Variants in ZNF785 observed in about 807,000 individuals in gnomAD.
ZNF785 encodes zinc finger protein 785.
In ZNF785, 15 loss-of-function variants were observed where a neutral mutation model predicts 11.3. The ratio of observed to expected loss-of-function variants is 1.32; its 90% CI spans 0.89 to 2.04. The LOEUF is 2.04. Ranked by LOEUF, ZNF785 falls within the 30% of genes most tolerant of loss-of-function variation. The probability of loss-of-function intolerance (pLI) is 0.00; values close to 1 mark genes in which losing one functional copy is unlikely to be tolerated. For synonymous variants in ZNF785, 221 were observed against 231.0 expected, an observed-to-expected ratio of 0.96 and a Z score of 0.39; for missense variants, 572 against 560.9, an observed-to-expected ratio of 1.02 and a Z score of -0.20.
chr16:30,582,460 T>G lies in ZNF785; in HGVS notation c.*100A>C. 1 of 1,510,616 alleles carries G rather than the reference T, an allele frequency of 6.6e-7. No individual in the cohort carries two copies. The highest frequency in any genetic ancestry group is 8.9e-7 in the Non-Finnish European group (1 of 1,119,486). The allele number at this position is 1,510,616 out of a possible 1,614,324, so 93.6% of individuals were successfully genotyped here. A position where few individuals can be genotyped will look rare whatever the true frequency, so the allele number is the denominator to read the frequency against. ...TCTGCTTTTTACCTAAGGCAGAACTTTGTTTTCCTCAAACGCCCACTTCCT... is the reference window on the plus strand; with the variant it reads ...TCTGCTTTTTACCTAAGGCAGAACTGTGTTTTCCTCAAACGCCCACTTCCT... On this transcript the variant is annotated 3_prime_UTR_variant, in exon 3 of 3. Transcript: ENST00000395216.
rs529905658 is a variant in ZNF785 at position 30,582,411 on chromosome 16, C to T, written c.*149G>A. ...CACCTTTTCAGATTCCTGCCTCCTCCCCACAGCCCTCTGTGCCCCTACCTC... is the reference window on the plus strand; with the variant it reads ...CACCTTTTCAGATTCCTGCCTCCTCTCCACAGCCCTCTGTGCCCCTACCTC... On this transcript the variant is annotated 3_prime_UTR_variant, in exon 3 of 3. Transcript: ENST00000395216. 34 of 1,167,974 alleles carry T rather than the reference C, an allele frequency of 2.9e-5. No individual in the cohort carries two copies. The South Asian group carries it at 5.0e-4, about 17-fold the overall frequency. The allele number at this position is 1,167,974 out of a possible 1,614,324, so 72.4% of individuals were successfully genotyped here.
Position 30,582,784 on chromosome 16 carries a change from G to A in ZNF785, c.994C>T (p.Arg332Cys), listed in dbSNP as rs768972303. The A allele has an allele frequency of 4.4e-5, 70 of 1,606,950 alleles. No homozygotes were observed. The highest frequency in any genetic ancestry group is 4.9e-5 in the Non-Finnish European group (58 of 1,175,482). ...TYSSLLLSHR[R>C]IHSDSRPFPC... ...AAGGGCCGGCTGTCGGAGTGAATGCGCCGGTGACTGAGGAGGAGGGAAGAA... is the reference window on the plus strand; with the variant it reads ...AAGGGCCGGCTGTCGGAGTGAATGCACCGGTGACTGAGGAGGAGGGAAGAA... The change falls in exon 3 of 3, where the codon CGC becomes TGC. Residue 332 changes from arginine (R) to cysteine (C), a missense_variant. Transcript: ENST00000395216.
chr16:30,582,682 T>A lies in ZNF785; in HGVS notation c.1096A>T (p.Ser366Cys), dbSNP rs2051828524. The stretch of plus-strand genomic sequence containing the variant: ...GCCTGCTGCCACGCGCGCCTCTCGC[T>A]GCAGGAGCGGTGGATCCACCGATGG... ...EAHRWIHRSC[S>C]ERRAWQQAVV... is the part of the protein sequence containing the mutation. Residue 366 changes from serine to cysteine, a missense_variant, in exon 3 of 3, where the codon AGC (serine) becomes TGC (cysteine). Physicochemically the swap from Ser to Cys is moderately radical, Grantham distance 112. Transcript: ENST00000395216. 103 of 1,613,968 alleles carry A rather than the reference T, an allele frequency of 6.4e-5. No individual in the cohort carries two copies. The highest frequency in any genetic ancestry group is 8.6e-5 in the Non-Finnish European group (102 of 1,180,010).
chr16:30,582,819 C>T lies in ZNF785; in HGVS notation c.959G>A (p.Arg320His), dbSNP rs2151236858. The T allele has an allele frequency of 1.2e-6, 2 of 1,607,040 alleles. No homozygotes were observed. The highest frequency in any genetic ancestry group is 1.7e-4 in the Middle Eastern group (1 of 6,024). ...KPYPCPDCGR[R>H]FTYSSLLLSH... ...GAGGAGGAGGGAAGAATAGGTGAAG[C>T]GGCGGCCGCAGTCAGGACAGGGGTA... Residue 320 changes from arginine (R) to histidine (H), a missense_variant, in exon 3 of 3, where the codon CGC (arginine) becomes CAC (histidine). Coordinates refer to ENST00000395216, the MANE Select transcript of ZNF785 (RefSeq NM_152458.7).
At chr16:30,580,482 G>A (rs2051794185), downstream of ZNF785, among the ~76,000 whole-genome samples, 1 of 151,536 alleles carries the variant, frequency 6.6e-6, no homozygotes, top group Non-Finnish European at 1.5e-5. Flanking sequence ...AGCCTCCCAA[G>A]TAGCTGGGAC....
intron 2 of ZNF785, 129 bp from the exon 3 acceptor site, chr16:30,583,572 T>C (rs2051851148): frequency 7.7e-7 from 1 of 1,302,514 alleles, no homozygotes; most frequent in South Asian, 1.5e-5. Context: ...TGGTTCAGAA[T>C]ATGGCGCCCA....
At chr16:30,584,985 G>A (rs2051869419) in intron 2 of ZNF785, 137 bp downstream of exon 2, 1 of 1,201,786 alleles carries the variant, frequency 8.3e-7, no homozygotes, top group Non-Finnish European at 1.1e-6. Context: ...CCATTTTGCA[G>A]TGAGATGAGG....
In ZNF785 at chr16:30,585,556, C is replaced by T. The variant is rs547219719; in HGVS notation, c.56G>A (p.Arg19Gln). The T allele has an allele frequency of 1.3e-5, 20 of 1,559,184 alleles. No homozygotes were observed. In the East Asian group the frequency reaches 3.1e-4, roughly 24 times the overall value. The change falls in exon 1 of 3, where the codon CGG becomes CAG. Residue 19 changes from arginine to glutamine, a missense_variant. Physicochemically the swap from Arg to Gln is conservative, Grantham distance 43. Transcript: ENST00000395216. This position sits in a 1 kb window ranked among gnomAD's most constrained non-coding sequence, Gnocchi z 4.0. ...PAHVPGEAGPRRTRESRPGAV... is the reference protein window; with the variant it reads ...PAHVPGEAGPQRTRESRPGAV... The stretch of plus-strand genomic sequence containing the variant: ...GCCCGGCCTGCTTTCCCTCGTCCTC[C>T]GGGGCCCGGCCTCCCCGGGTACGTG...
chr16:30,581,675 G>C lies in ZNF785; in HGVS notation c.*885C>G, dbSNP rs1371423924. The C allele has an allele frequency of 6.6e-6, 1 of 152,164 alleles. No homozygotes were observed. The highest frequency in any genetic ancestry group is 2.4e-5 in the African/African-American group (1 of 41,422). The allele number at this position is 152,164 out of a possible 1,614,324, so 9.4% of individuals were successfully genotyped here. On this transcript the variant is annotated 3_prime_UTR_variant, in exon 3 of 3. Coordinates refer to ENST00000395216, the MANE Select transcript of ZNF785 (RefSeq NM_152458.7). Reference sequence around the variant, plus strand: ...TGTGCACTTGCAGAATGAGAGTGGGGGGGGAGTTCCCCACCTGAGGCCACT... The same window carrying C: ...TGTGCACTTGCAGAATGAGAGTGGGCGGGGAGTTCCCCACCTGAGGCCACT...
At position 30,585,689 on chromosome 16, in the gene ZNF785, C is replaced by G; in HGVS notation, c.-78G>C. On this transcript the variant is annotated 5_prime_UTR_variant, in exon 1 of 3. Coordinates refer to ENST00000395216, the MANE Select transcript of ZNF785 (RefSeq NM_152458.7). The surrounding 1 kb of genome is among the most constrained non-coding windows in gnomAD (Gnocchi z 4.0). ...TGGCGCTTTCCTGTCTTTCCTCAGA[C>G]AAGTCCGTAAGGGACTCCTGCCCTT... 6.9e-7 allele frequency: 1 copy of G among 1,442,010 alleles called. No individual in the cohort carries two copies. The highest frequency in any genetic ancestry group is 9.0e-7 in the Non-Finnish European group (1 of 1,105,086). 89.3% of individuals were successfully genotyped at this position (1,442,010 alleles called of 1,614,324 possible).
chr16:30,584,790 G>A (rs867335591), intron 2 of ZNF785, among the ~76,000 whole-genome samples: 2 of 152,188 alleles, frequency 1.3e-5, no homozygotes, highest in African/African-American at 2.4e-5. Context: ...TTTACTACAC[G>A]TGGTTCACAT....
Position 30,585,355 on chromosome 16 carries a change from C to T in ZNF785, c.205+52G>A. Reference sequence around the variant, plus strand: ...CCCACTAGCCTCTGGGGACACCGATCACCGCTTCCCACCGACGGACTGGGG... The same window carrying T: ...CCCACTAGCCTCTGGGGACACCGATTACCGCTTCCCACCGACGGACTGGGG... On this transcript the variant is annotated intron_variant, in intron 1 of 2. Coordinates refer to ENST00000395216, the MANE Select transcript of ZNF785 (RefSeq NM_152458.7). This position sits in a 1 kb window ranked among gnomAD's most constrained non-coding sequence, Gnocchi z 4.0. 6.4e-7 allele frequency: 1 copy of T among 1,569,732 alleles called. No homozygotes were observed. The highest frequency in any genetic ancestry group is 1.2e-5 in the South Asian group (1 of 86,582).
rs1168785649 is a variant in ZNF785, at chr16:30,585,589, C to T, written c.23G>A (p.Arg8His). 2.0e-6 allele frequency: 3 copies of T among 1,516,334 alleles called. No individual in the cohort carries two copies. The East Asian group carries it at 7.3e-5, about 37-fold the overall frequency. 93.9% of individuals were successfully genotyped at this position (1,516,334 alleles called of 1,614,324 possible). Residue 8 changes from arginine to histidine, a missense_variant, in exon 1 of 3, where the codon CGC becomes CAC. Transcript: ENST00000395216. The surrounding 1 kb of genome is among the most constrained non-coding windows in gnomAD (Gnocchi z 4.0). Reference protein sequence around the residue: MGPPLAPRPAHVPGEAGP... With the variant: MGPPLAPHPAHVPGEAGP... ...GGCCTCCCCGGGTACGTGGGCCGGG[C>T]GCGGCGCCAGGGGCGGCCCCATGGG... is the stretch of plus-strand genomic sequence containing the variant.
chr16:30,582,190 C>T lies in ZNF785; in HGVS notation c.*370G>A. Reference sequence around the variant, plus strand: ...GGGGGGTCCAGAGTGGGTGCAGGCTCCTTTAATAGGCACTGGAATGTAGGG... The same window carrying T: ...GGGGGGTCCAGAGTGGGTGCAGGCTTCTTTAATAGGCACTGGAATGTAGGG... On this transcript the variant is annotated 3_prime_UTR_variant, in exon 3 of 3. Transcript: ENST00000395216. 1 of 244,328 alleles carries T rather than the reference C, an allele frequency of 4.1e-6. No homozygotes were observed. The highest frequency in any genetic ancestry group is 8.0e-6 in the Non-Finnish European group (1 of 125,620). The allele number at this position is 244,328 out of a possible 1,614,324, so 15.1% of individuals were successfully genotyped here.
Position 30,585,567 on chromosome 16 carries a change from C to T in ZNF785, c.45G>A (p.Glu15=), listed in dbSNP as rs372165112. The change falls in exon 1 of 3, where the codon GAG becomes GAA. Residue 15 remains glutamate (E), a synonymous_variant. Transcript: ENST00000395216. The surrounding 1 kb of genome is among the most constrained non-coding windows in gnomAD (Gnocchi z 4.0). ...TTTCCCTCGTCCTCCGGGGCCCGGC[C>T]TCCCCGGGTACGTGGGCCGGGCGCG... ...LAPRPAHVPG[E]AGPRRTRESR... 6.9e-5 allele frequency: 107 copies of T among 1,550,790 alleles called. 1 individual carries two copies. The African/African-American group carries it at 1.3e-3, about 19-fold the overall frequency.
rs760679001 is a variant in ZNF785 at position 30,581,459 on chromosome 16, CAAA to C, written c.*1098_*1100del. Reference sequence around the variant, plus strand: ...CAGGCAATAGAGACAGACTCTGTCTCAAAAAAAAAAAAAAAAAAAAGAATCCTC... The same window carrying C: ...CAGGCAATAGAGACAGACTCTGTCTCAAAAAAAAAAAAAAAAAGAATCCTC... On this transcript the variant is annotated 3_prime_UTR_variant, in exon 3 of 3. Transcript: ENST00000395216. The C allele has an allele frequency of 5.5e-5, 3 of 54,340 alleles. No individual in the cohort carries two copies. The highest frequency in any genetic ancestry group is 8.3e-3 in the Middle Eastern group (1 of 120). The allele number at this position is 54,340 out of a possible 1,614,324, so 3.4% of individuals were successfully genotyped here.
chr16:30,583,360 C>A lies in ZNF785; in HGVS notation c.418G>T (p.Glu140Ter). 6.2e-7 allele frequency: 1 copy of A among 1,612,368 alleles called. No individual in the cohort carries two copies. Among genetic ancestry groups the A allele is most frequent in the East Asian group, 2.2e-5 (1 of 44,848 alleles). The change falls in exon 3 of 3, where the codon GAG becomes TAG. Residue 140 changes from glutamate (E) to a stop codon, truncating the protein, a stop_gained. Transcript: ENST00000395216. LOFTEE classifies it low-confidence loss of function (END_TRUNC). ...GGGCAGGCGACGCTGGGCCACCACTCCTTGACAGCCACTTCATGCGCCACC... is the reference window on the plus strand; with the variant it reads ...GGGCAGGCGACGCTGGGCCACCACTACTTGACAGCCACTTCATGCGCCACC... The part of the protein sequence containing the change: ...KEVAHEVAVK[E>*]WWPSVACPEF...
chr16:30,579,716 A>G, downstream of ZNF785: 1 of 444,484 alleles, frequency 2.2e-6, no homozygotes, highest in Non-Finnish European at 4.5e-6. Context: ...CCAAGGATTC[A>G]AAGAAGCAGT....
At position 30,583,136 on chromosome 16, in the gene ZNF785, G is replaced by A. The variant is rs545663415; in HGVS notation, c.642C>T (p.Tyr214=). Residue 214 remains tyrosine (Y), a synonymous_variant, in exon 3 of 3, where the codon TAC becomes TAT. Coordinates refer to ENST00000395216, the MANE Select transcript of ZNF785 (RefSeq NM_152458.7). ...TGTGGATGAACTGATGCTGGAGCAG[G>A]TACCTGCGCTGGGAGAAACGCGCCT... The part of the protein sequence containing the change: ...QCQARFSQRR[Y]LLQHQFIHTG... 4 of 1,614,140 alleles carry A rather than the reference G, an allele frequency of 2.5e-6. No individual in the cohort carries two copies. Among genetic ancestry groups the A allele is most frequent in the Non-Finnish European group, 2.5e-6 (3 of 1,180,020 alleles).
Sources: gnomAD v4.1 joint callset for allele counts (sites outside exome capture counted in the v4.1 genomes callset) on GRCh38, gnomAD v4.1.1 for gene constraint, Gnocchi (gnomAD v3.1) non-coding constraint, MANE v1.5 for transcripts, NCBI Gene and HGNC (gene_info 2026-07-23, HGNC 2026-07-21) for gene names.